Variants in AGMO observed in about 807,000 individuals in gnomAD.
AGMO encodes alkylglycerol monooxygenase.
In AGMO, 75 loss-of-function variants were observed where a neutral mutation model predicts 60.2. That is an observed-to-expected ratio of 1.25 (90% CI 1.03 to 1.51). The LOEUF (loss-of-function observed/expected upper bound fraction) is 1.51. Among genes scored for constraint, AGMO ranks in the 40% most tolerant of loss-of-function variants. AGMO has a pLI of 0.00. For missense variants in AGMO, 763 were observed against 525.5 expected (o/e 1.45, Z -4.42); for synonymous variants, 261 against 177.1 (o/e 1.47, Z -3.76).
chr7:15,271,367 T>G (rs1783605970), intron 12 of AGMO, among the ~76,000 whole-genome samples: 1 of 152,196 alleles, frequency 6.6e-6, no homozygotes, highest in South Asian at 2.1e-4. Flanking sequence ...TAGTTCTCCT[T>G]GTAAAGACCT....
chr7:15,357,190 C>CGTGTGTGTGTGT lies in AGMO; in HGVS notation c.1263+8312_1263+8323dup, dbSNP rs36124819. Among the ~76,000 whole-genome samples the CGTGTGTGTGTGT allele has an allele frequency of 8.2e-3, 1,178 of 144,434 alleles. 6 individuals carry two copies. The highest frequency in any genetic ancestry group is 0.013 in the African/African-American group (511 of 39,290). 94.8% of individuals were successfully genotyped at this position (144,434 alleles called of 152,430 possible). Reference sequence around the variant, plus strand: ...AAAATTGCTCTATACTATGAATATTCGTGTGTGTGTGTGTGTGTGTGTGTG... The same window carrying CGTGTGTGTGTGT: ...AAAATTGCTCTATACTATGAATATTCGTGTGTGTGTGTGTGTGTGTGTGTGTGTGTGTGTGTG... On this transcript the variant is annotated intron_variant, in intron 12 of 12. Transcript: ENST00000342526.
chr7:15,301,560 C>CAATTCTAAA (rs1784560273), intron 12 of AGMO, among the ~76,000 whole-genome samples: 1 of 151,758 alleles, frequency 6.6e-6, no homozygotes, highest in Admixed American at 6.6e-5. Context: ...TTTCTAAAAC[C>CAATTCTAAA]AATACAATAA....
chr7:15,345,546 G>C (rs1436703398), intron 12 of AGMO, among the ~76,000 whole-genome samples: 2 of 152,154 alleles, frequency 1.3e-5, no homozygotes, highest in East Asian at 3.8e-4. Flanking sequence ...AAACTCTACT[G>C]TAATTACTAT....
intron 12 of AGMO, chr7:15,306,584 G>A (rs200048978): frequency 3.2e-5 from 12 of 377,874 alleles, no homozygotes; most frequent in Admixed American, 3.2e-4. Context: ...AAAAAAAAAA[G>A]CATTACAAAA....
At chr7:15,418,030 C>T (rs1780822250) in intron 5 of AGMO, among the ~76,000 whole-genome samples, 1 of 151,974 alleles carries the variant, frequency 6.6e-6, no homozygotes, top group Non-Finnish European at 1.5e-5. Context: ...TCTAAAATTA[C>T]ATTTCTTCAG....
At chr7:15,534,966 C>T (rs927427722) in intron 3 of AGMO, among the ~76,000 whole-genome samples, 7 of 151,846 alleles carry the variant, frequency 4.6e-5, no homozygotes, top group African/African-American at 1.7e-4. Context: ...AACTTTTTTA[C>T]TTATGTATCA....
intron 10 of AGMO, among the ~76,000 whole-genome samples, chr7:15,382,609 C>T (rs1783736205): frequency 6.6e-6 from 1 of 152,050 alleles, no homozygotes; most frequent in Non-Finnish European, 1.5e-5. Context: ...GCTGTAAGGG[C>T]AGGATGACTG....
downstream of AGMO, among the ~76,000 whole-genome samples, chr7:15,198,144 C>T (rs1472519969): frequency 6.7e-6 from 1 of 149,694 alleles, no homozygotes; most frequent in African/African-American, 2.5e-5. Flanking sequence ...CAGTTTGCAT[C>T]TCTCCGATAG....
the AGMO span, among the ~76,000 whole-genome samples, chr7:15,132,698 G>C: frequency 6.6e-6 from 1 of 152,126 alleles, no homozygotes; most frequent in Non-Finnish European, 1.5e-5. Context: ...CAACTGGGGT[G>C]AGCTGAAAAT....
intron 10 of AGMO, among the ~76,000 whole-genome samples, chr7:15,383,655 A>G (rs1328742247): frequency 1.3e-5 from 2 of 152,042 alleles, no homozygotes; most frequent in African/African-American, 2.4e-5. Context: ...TTCAGCATAT[A>G]TTATTTATTA....
intron 12 of AGMO, among the ~76,000 whole-genome samples, chr7:15,361,863 A>G (rs1055478000): frequency 2.6e-5 from 4 of 152,180 alleles, no homozygotes; most frequent in Non-Finnish European, 5.9e-5. Flanking sequence ...ATAATAAAAT[A>G]ATACAACAGA....
intron 12 of AGMO, among the ~76,000 whole-genome samples, chr7:15,354,327 T>C (rs566197318): frequency 0.17 from 5,469 of 32,072 alleles, 928 homozygotes; most frequent in African/African-American, 0.28. Flanking sequence ...TGTATATACG[T>C]ACGCGTGTAT....
rs148478634 is a variant in AGMO at position 15,468,819 on chromosome 7, G to A, written c.410-37711C>T. ...TTTGTGGATTGAGGTAATCCGGGCA[G>A]AGATGGATGATTTTATGATTCAAAT... On this transcript the variant is annotated intron_variant, in intron 3 of 12. Coordinates refer to ENST00000342526, the MANE Select transcript of AGMO (RefSeq NM_001004320.2). Among the ~76,000 whole-genome samples the A allele has an allele frequency of 2.8e-3, 420 of 152,198 alleles. 1 individual carries two copies. Among genetic ancestry groups the A allele is most frequent in the African/African-American group, 9.7e-3 (403 of 41,524 alleles).
intron 2 of AGMO, among the ~76,000 whole-genome samples, chr7:15,555,954 T>G (rs1164324812): frequency 6.6e-6 from 1 of 151,988 alleles, no homozygotes; most frequent in Non-Finnish European, 1.5e-5. Context: ...TCTAAGTTAA[T>G]ACATTTAGTA....
At chr7:15,395,976 A>T (rs577546624) in intron 5 of AGMO, 5 of 152,352 alleles carry the variant, frequency 3.3e-5, no homozygotes, top group African/African-American at 7.2e-5. Context: ...CCACATATCA[A>T]AGCGGATCCT....
chr7:15,362,344 A>C (rs1782799266), intron 12 of AGMO, among the ~76,000 whole-genome samples: 1 of 152,174 alleles, frequency 6.6e-6, no homozygotes, highest in Non-Finnish European at 1.5e-5. Context: ...ATTGCTAGCA[A>C]AATATTTATC....
chr7:15,134,983 A>T, the AGMO span, among the ~76,000 whole-genome samples: 1 of 152,030 alleles, frequency 6.6e-6, no homozygotes. Context: ...TTATTTCAAG[A>T]TTACAGATAT....
chr7:15,530,505 ATTTCTATATATATATTCTATATACG>A, intron 3 of AGMO, among the ~76,000 whole-genome samples: 1 of 47,518 alleles, frequency 2.1e-5, no homozygotes, highest in East Asian at 2.0e-3. Context: ...CTATATACGT[ATTTCTATATATATATTCTATATACG>A]TATTTCTATA....
chr7:15,449,768 T>A (rs1403565600), intron 3 of AGMO, among the ~76,000 whole-genome samples: 1 of 152,244 alleles, frequency 6.6e-6, no homozygotes, highest in Non-Finnish European at 1.5e-5. Context: ...GGTTTAAAAG[T>A]ACTACTTATT....
Sources: allele counts gnomAD v4.1 joint callset (sites outside exome capture counted in the v4.1 genomes callset), GRCh38; gene constraint gnomAD v4.1.1; transcripts MANE v1.5; gene names NCBI Gene and HGNC (gene_info 2026-07-23, HGNC 2026-07-21).